ZFYVE21: variants seen among roughly 807,000 people sequenced by gnomAD.
The protein encoded by ZFYVE21 is zinc finger FYVE domain-containing protein 21.
ZFYVE21 carries 21 observed loss-of-function variants against 29.5 expected under a neutral mutation model. The observed-to-expected ratio is 0.71, with a 90% CI of 0.50 to 1.02. The LOEUF (loss-of-function observed/expected upper bound fraction) is 1.02, where lower values mean the gene tolerates loss of function less well. Among genes scored for constraint, ZFYVE21 ranks in the 50% least tolerant of loss-of-function variants. The pLI is 0.00. For synonymous variants in ZFYVE21, 151 were observed against 133.8 expected (o/e 1.13, Z -0.89); for missense variants, 326 against 335.4 (o/e 0.97, Z 0.22).
At chr14:103,723,696 G>A (rs1436892591) in intron 1 of ZFYVE21, among the ~76,000 whole-genome samples, 1 of 152,214 alleles carries the variant, frequency 6.6e-6, no homozygotes, top group East Asian at 1.9e-4. Flanking sequence ...TACAGTGAGG[G>A]TACACGTGGC....
chr14:103,730,087 T>G, intron 5 of ZFYVE21: 1 of 543,210 alleles, frequency 1.8e-6, no homozygotes, highest in Non-Finnish European at 3.2e-6. Flanking sequence ...TACCCAGCAA[T>G]TGACAGCTCT....
Position 103,727,981 on chromosome 14 carries a change from C to T in ZFYVE21, c.358+67C>T, listed in dbSNP as rs1400485722. 3.3e-6 allele frequency: 5 copies of T among 1,512,732 alleles called. No individual in the cohort carries two copies. In the East Asian group the frequency reaches 1.2e-4, roughly 36 times the overall value. The allele number at this position is 1,512,732 out of a possible 1,614,324, so 93.7% of individuals were successfully genotyped here. A position where few individuals can be genotyped will look rare whatever the true frequency, so the allele number is the denominator to read the frequency against. On this transcript the variant is annotated intron_variant, in intron 3 of 6. Coordinates refer to ENST00000311141, the MANE Select transcript of ZFYVE21 (RefSeq NM_024071.4). ...CCGGCTCCTCGTGTCTGTGGCGATGCTGTGGGCTGTGCACGGGGCGTTCTG... is the reference window on the plus strand; with the variant it reads ...CCGGCTCCTCGTGTCTGTGGCGATGTTGTGGGCTGTGCACGGGGCGTTCTG...
chr14:103,727,396 G>T (rs1392930160), intron 2 of ZFYVE21: 1 of 112,470 alleles, frequency 8.9e-6, no homozygotes, highest in Non-Finnish European at 1.7e-5. Flanking sequence ...CCCCGTCCCC[G>T]TGCCGCTTTG....
At chr14:103,719,655 G>C (rs776012047) in intron 1 of ZFYVE21, among the ~76,000 whole-genome samples, 2 of 151,690 alleles carry the variant, frequency 1.3e-5, no homozygotes, top group African/African-American at 4.9e-5. Context: ...ACTGCAGGGT[G>C]GGGGGTTTCA....
chr14:103,716,798 A>G lies in ZFYVE21; in HGVS notation c.138+819A>G, dbSNP rs1338572515. The stretch of plus-strand genomic sequence containing the variant: ...ACCTGATCGGAGGTGCCTTTGCCTC[A>G]CACCAGCCCCTTGGCCAACTGGGAA... On this transcript the variant is annotated intron_variant, in intron 1 of 6. Transcript: ENST00000311141. The surrounding 1 kb of genome is among the most constrained non-coding windows in gnomAD (Gnocchi z 4.8). Among the ~76,000 whole-genome samples, 2 of 152,122 alleles carry G rather than the reference A, an allele frequency of 1.3e-5. No individual in the cohort carries two copies. The highest frequency in any genetic ancestry group is 2.4e-5 in the African/African-American group (1 of 41,420).
intron 1 of ZFYVE21, among the ~76,000 whole-genome samples, chr14:103,719,219 A>G (rs1280042939): frequency 6.6e-6 from 1 of 152,198 alleles, no homozygotes; most frequent in Non-Finnish European, 1.5e-5. Flanking sequence ...TGGAGGTTGC[A>G]GTGAGCTGAG....
At chr14:103,719,382 G>A (rs1046989962) in intron 1 of ZFYVE21, among the ~76,000 whole-genome samples, 14 of 151,498 alleles carry the variant, frequency 9.2e-5, no homozygotes, top group African/African-American at 3.2e-4. Flanking sequence ...CTTGAACCGG[G>A]AAGAGGAGGT....
In ZFYVE21 at chr14:103,716,268, C is replaced by A. The variant is rs1479901853; in HGVS notation, c.138+289C>A. Among the ~76,000 whole-genome samples, 1 of 152,078 alleles carries A rather than the reference C, an allele frequency of 6.6e-6. No homozygotes were observed. The highest frequency in any genetic ancestry group is 2.4e-5 in the African/African-American group (1 of 41,420). On this transcript the variant is annotated intron_variant, in intron 1 of 6. Coordinates refer to ENST00000311141, the MANE Select transcript of ZFYVE21 (RefSeq NM_024071.4). The surrounding 1 kb of genome is among the most constrained non-coding windows in gnomAD (Gnocchi z 4.8). ...CGGGAGGCGGGGTGCGGGGCGCGGG[C>A]TGGTCCCGGGGGTGGGTGCGGCCCT...
intron 1 of ZFYVE21, chr14:103,724,703 C>T (rs180904428): frequency 6.6e-6 from 1 of 152,420 alleles, no homozygotes; most frequent in East Asian, 1.9e-4. Flanking sequence ...GACCCTCCAT[C>T]TCTCCCAAGA....
At chr14:103,718,311 G>A (rs551443805) in intron 1 of ZFYVE21, among the ~76,000 whole-genome samples, 12 of 152,294 alleles carry the variant, frequency 7.9e-5, no homozygotes, top group African/African-American at 2.6e-4. Flanking sequence ...CCCGTCTCCC[G>A]AATACCAGCT....
intron 1 of ZFYVE21, among the ~76,000 whole-genome samples, chr14:103,722,498 G>A (rs1282566789): frequency 4.0e-5 from 6 of 151,884 alleles, no homozygotes; most frequent in African/African-American, 1.2e-4. Context: ...GGGACTACAG[G>A]TGTGCACCAC....
intron 5 of ZFYVE21, chr14:103,729,718 GT>G (rs1420859329): frequency 4.8e-5 from 73 of 1,507,686 alleles, no homozygotes; most frequent in Non-Finnish European, 6.4e-5. Context: ...CGTAACCCAT[GT>G]TGCTTTCCTT....
rs116404895 is a variant in ZFYVE21, at chr14:103,716,340, G to T, written c.138+361G>T. 0.015 allele frequency among the ~76,000 whole-genome samples: 2,344 copies of T among 152,270 alleles called. 57 individuals carry two copies. The highest frequency in any genetic ancestry group is 0.053 in the African/African-American group (2,194 of 41,568). On this transcript the variant is annotated intron_variant, in intron 1 of 6. Coordinates refer to ENST00000311141, the MANE Select transcript of ZFYVE21 (RefSeq NM_024071.4). The surrounding 1 kb of genome is among the most constrained non-coding windows in gnomAD (Gnocchi z 4.8). ...GGCTAGCGCGTGTGGACTGCGTCCC[G>T]AGAGCTGGGGCTCGCTCCCGAGAAA... is the stretch of plus-strand genomic sequence containing the variant.
chr14:103,728,650 A>T, intron 3 of ZFYVE21: 1 of 443,810 alleles, frequency 2.3e-6, no homozygotes, highest in South Asian at 2.5e-5. Flanking sequence ...GCATCGTTTG[A>T]AGGATGTAAA....
intron 2 of ZFYVE21, 163 bp downstream of exon 2, chr14:103,727,005 G>A: frequency 3.0e-6 from 2 of 658,038 alleles, no homozygotes; most frequent in East Asian, 2.9e-5. Flanking sequence ...GAGTGCAGTG[G>A]CTCCATCTCG....
chr14:103,721,875 C>T (rs775526198), intron 1 of ZFYVE21, among the ~76,000 whole-genome samples: 24 of 152,256 alleles, frequency 1.6e-4, no homozygotes, highest in Admixed American at 2.6e-4. Context: ...CTCCAGCCCA[C>T]GCTGGTGGTG....
At chr14:103,722,647 G>A (rs572620562) in intron 1 of ZFYVE21, among the ~76,000 whole-genome samples, 40 of 151,942 alleles carry the variant, frequency 2.6e-4, no homozygotes, top group Non-Finnish European at 5.2e-4. Context: ...GTGAAACCCC[G>A]TCTCTACTAA....
At chr14:103,732,839 T>C (rs2083997483) in intron 6 of ZFYVE21, 77 bp downstream of exon 6, 3 of 1,600,588 alleles carry the variant, frequency 1.9e-6, no homozygotes, top group Non-Finnish European at 2.6e-6. Flanking sequence ...AAGCTCTGTG[T>C]CCTGCCATTT....
At chr14:103,724,251 G>T (rs2083899652) in intron 1 of ZFYVE21, among the ~76,000 whole-genome samples, 1 of 152,254 alleles carries the variant, frequency 6.6e-6, no homozygotes, top group Non-Finnish European at 1.5e-5. Flanking sequence ...CACAGGCCTT[G>T]CCTGCCTCCT....
Sources: gnomAD v4.1 joint callset for allele counts (sites outside exome capture counted in the v4.1 genomes callset) on GRCh38, gnomAD v4.1.1 for gene constraint, Gnocchi (gnomAD v3.1) non-coding constraint, MANE v1.5 for transcripts, NCBI Gene and HGNC (gene_info 2026-07-23, HGNC 2026-07-21) for gene names.